The following MYT1L variants were observed in gnomAD, a reference collection of about 807,000 sequenced individuals.
The protein encoded by MYT1L is myelin transcription factor 1 like, also known as myelin transcription factor 1-like protein.
MYT1L carries 12 observed loss-of-function variants against 126.7 expected under a neutral mutation model. The ratio of observed to expected loss-of-function variants is 0.09; its 90% CI spans 0.06 to 0.15. The LOEUF is 0.15. Among genes scored for constraint, MYT1L ranks in the 10% least tolerant of loss-of-function variants. MYT1L has a pLI of 1.00. For synonymous variants in MYT1L, 541 were observed against 604.2 expected (o/e 0.90, Z 1.53); for missense variants, 979 against 1,585.2 (o/e 0.62, Z 6.49).
chr2:2,058,524 A>G (rs925083765), intron 3 of MYT1L, among the ~76,000 whole-genome samples: 1 of 152,218 alleles, frequency 6.6e-6, no homozygotes, highest in Non-Finnish European at 1.5e-5. Flanking sequence ...GCTACATTCC[A>G]TTATGGTAGA....
intron 18 of MYT1L, among the ~76,000 whole-genome samples, chr2:1,861,851 T>A (rs1271299954): frequency 3.0e-4 from 45 of 152,324 alleles, no homozygotes; most frequent in East Asian, 5.8e-4. Context: ...CTGCAGCCTG[T>A]GTAATCCTAG....
At chr2:1,849,669 A>AGGGCAGAGG (rs1364228422) in intron 19 of MYT1L, among the ~76,000 whole-genome samples, 2 of 152,242 alleles carry the variant, frequency 1.3e-5, no homozygotes, top group African/African-American at 2.4e-5. Flanking sequence ...ACTTGCCAGC[A>AGGGCAGAGG]CTGCAGAGGC....
intron 4 of MYT1L, among the ~76,000 whole-genome samples, chr2:2,017,218 C>G (rs975124663): frequency 8.5e-5 from 13 of 152,212 alleles, no homozygotes; most frequent in African/African-American, 2.9e-4. Context: ...GGCCAGCAGG[C>G]GCCTGCACTC....
intron 3 of MYT1L, among the ~76,000 whole-genome samples, chr2:2,083,003 A>G (rs1045964868): frequency 6.6e-6 from 1 of 152,136 alleles, no homozygotes; most frequent in African/African-American, 2.4e-5. Flanking sequence ...GGATACTGTG[A>G]TTCCTCAGCA....
chr2:1,865,376 C>T (rs2045325384), intron 18 of MYT1L, among the ~76,000 whole-genome samples: 1 of 152,120 alleles, frequency 6.6e-6, no homozygotes, highest in Non-Finnish European at 1.5e-5. Context: ...GGCCAAAGAG[C>T]CCCGGAGTCA....
intron 3 of MYT1L, among the ~76,000 whole-genome samples, chr2:2,092,529 G>A (rs780271397): frequency 1.9e-4 from 29 of 152,308 alleles, no homozygotes; most frequent in Middle Eastern, 3.4e-3. Context: ...ATGAGCAAGT[G>A]CTGTTGGAAA....
chr2:1,871,141 G>C (rs922158507), intron 18 of MYT1L, among the ~76,000 whole-genome samples: 67 of 152,360 alleles, frequency 4.4e-4, no homozygotes, highest in African/African-American at 1.6e-3. Flanking sequence ...CTGGTTTCCA[G>C]AGTCTGCTAA....
At chr2:2,242,679 G>C (rs1454947512) in intron 2 of MYT1L, among the ~76,000 whole-genome samples, 1 of 152,212 alleles carries the variant, frequency 6.6e-6, no homozygotes, top group Non-Finnish European at 1.5e-5. Context: ...CATAAGATGT[G>C]ATAGCTGTCA....
chr2:1,987,050 T>C (rs1374956972), intron 5 of MYT1L, among the ~76,000 whole-genome samples: 2 of 152,128 alleles, frequency 1.3e-5, no homozygotes, highest in South Asian at 2.1e-4. Context: ...AATAAGAAAA[T>C]AGATCCTTAT....
intron 4 of MYT1L, among the ~76,000 whole-genome samples, chr2:2,043,959 T>G (rs1169732013): frequency 6.6e-6 from 1 of 152,206 alleles, no homozygotes; most frequent in East Asian, 1.9e-4. Context: ...CAGAGATGAA[T>G]TCAATCAAAC....
intron 1 of MYT1L, among the ~76,000 whole-genome samples, chr2:2,289,889 C>T (rs2149453477): frequency 6.6e-6 from 1 of 152,340 alleles, no homozygotes; most frequent in African/African-American, 2.4e-5. Flanking sequence ...CAGGGCTTCA[C>T]TTCAGCACTG....
chr2:1,943,003 C>T lies in MYT1L; in HGVS notation c.484G>A (p.Glu162Lys). The T allele has an allele frequency of 5.4e-6, 8 of 1,474,106 alleles. No individual in the cohort carries two copies. Among genetic ancestry groups the T allele is most frequent in the Non-Finnish European group, 7.4e-6 (8 of 1,087,266 alleles). The allele number at this position is 1,474,106 out of a possible 1,614,324, so 91.3% of individuals were successfully genotyped here. ...TTACCGTTTTCTTCTTCCTCTTCCTCCTCCTCCTCCTCCTCCTCTTCCTCT... is the reference window on the plus strand; with the variant it reads ...TTACCGTTTTCTTCTTCCTCTTCCTTCTCCTCCTCCTCCTCCTCTTCCTCT... The part of the protein sequence containing the change: ...EEEEEEEEEE[E>K]EEEEENEDHQ... The change falls in exon 9 of 25, where the codon GAG (glutamate) becomes AAG (lysine). Residue 162 changes from glutamate (E) to lysine (K), a missense_variant. Physicochemically the swap from Glu to Lys is moderately conservative, Grantham distance 56. This residue lies in a region of MYT1L where 243 missense variants were observed against 363.9 expected (regional missense o/e 0.67). Transcript: ENST00000647738. This position sits in a 1 kb window ranked among gnomAD's most constrained non-coding sequence, Gnocchi z 4.4.
At chr2:1,880,356 G>C (rs1300969280) in intron 18 of MYT1L, among the ~76,000 whole-genome samples, 1 of 152,038 alleles carries the variant, frequency 6.6e-6, no homozygotes, top group Non-Finnish European at 1.5e-5. Flanking sequence ...TTTACTTTTC[G>C]AGACAGACTC....
chr2:2,039,159 T>A (rs181181986), intron 4 of MYT1L, among the ~76,000 whole-genome samples: 1 of 152,316 alleles, frequency 6.6e-6, no homozygotes, highest in East Asian at 1.9e-4. Context: ...TAAGGAATAA[T>A]CATGGGGACA....
At chr2:1,802,443 C>T (rs578011757) in intron 22 of MYT1L, among the ~76,000 whole-genome samples, 26 of 152,240 alleles carry the variant, frequency 1.7e-4, no homozygotes, top group African/African-American at 5.5e-4. Context: ...TCTGAATATT[C>T]GACATTTAGC....
chr2:2,056,306 G>A (rs569402565), intron 3 of MYT1L, among the ~76,000 whole-genome samples: 31 of 152,298 alleles, frequency 2.0e-4, no homozygotes, highest in African/African-American at 7.0e-4. Flanking sequence ...TCACAAACAT[G>A]AGAACCCCTC....
At chr2:2,269,205 T>G (rs897928329) in intron 2 of MYT1L, among the ~76,000 whole-genome samples, 4 of 152,242 alleles carry the variant, frequency 2.6e-5, no homozygotes, top group African/African-American at 9.6e-5. Flanking sequence ...TTAGACTAAT[T>G]GTTTTATAAG....
intron 4 of MYT1L, among the ~76,000 whole-genome samples, chr2:2,031,014 A>G (rs932329823): frequency 2.0e-5 from 3 of 152,236 alleles, no homozygotes; most frequent in Admixed American, 6.5e-5. Context: ...AAGCGTGTGC[A>G]TGACAGCTTT....
intron 2 of MYT1L, among the ~76,000 whole-genome samples, chr2:2,239,575 G>A (rs1324172636): frequency 2.0e-5 from 3 of 152,194 alleles, no homozygotes; most frequent in African/African-American, 7.2e-5. Flanking sequence ...AACGTCCTTC[G>A]GGGTTTACAT....
Sources: gnomAD v4.1 joint callset for allele counts (sites outside exome capture counted in the v4.1 genomes callset) on GRCh38, gnomAD v4.1.1 for gene constraint, gnomAD v4.1.1 regional missense constraint, Gnocchi (gnomAD v3.1) non-coding constraint, MANE v1.5 for transcripts, NCBI Gene and HGNC (gene_info 2026-07-23, HGNC 2026-07-21) for gene names.